DIAPH3: variants seen among roughly 807,000 people sequenced by gnomAD.
The protein encoded by DIAPH3 is protein diaphanous homolog 3.
Under a neutral mutation model 144.3 loss-of-function variants are expected in DIAPH3, and 117 were observed. The ratio of observed to expected loss-of-function variants is 0.81; its 90% CI spans 0.70 to 0.95. The LOEUF is 0.95. Among genes scored for constraint, DIAPH3 ranks in the 40% least tolerant of loss-of-function variants. The pLI is 0.00. For synonymous variants in DIAPH3, 519 were observed against 488.9 expected (o/e 1.06, Z -0.81); for missense variants, 1,421 against 1,412.7 (o/e 1.01, Z -0.09).
intron 2 of DIAPH3, among the ~76,000 whole-genome samples, chr13:60,130,161 A>T (rs1028807338): frequency 3.3e-5 from 5 of 152,216 alleles, no homozygotes; most frequent in South Asian, 2.1e-4. Context: ...TTCCAAATCC[A>T]ACAATGCTCT....
At chr13:59,885,504 T>C (rs1485742824) in intron 20 of DIAPH3, among the ~76,000 whole-genome samples, 1 of 147,018 alleles carries the variant, frequency 6.8e-6, no homozygotes, top group East Asian at 2.0e-4. Context: ...TATAATTCAG[T>C]ACTTTGTTCC....
chr13:60,049,694 A>G (rs2056246954), intron 4 of DIAPH3, among the ~76,000 whole-genome samples: 1 of 152,188 alleles, frequency 6.6e-6, no homozygotes, highest in Admixed American at 6.5e-5. Context: ...TATATTGAAC[A>G]CCTATTGTGT....
intron 27 of DIAPH3, among the ~76,000 whole-genome samples, chr13:59,742,884 C>A (rs199786014): frequency 1.3e-5 from 2 of 152,178 alleles, no homozygotes; most frequent in South Asian, 2.1e-4. Flanking sequence ...TTTTGGGGTA[C>A]GCATTTTCAA....
intron 3 of DIAPH3, among the ~76,000 whole-genome samples, chr13:60,099,136 T>C (rs1414772217): frequency 6.6e-6 from 1 of 152,198 alleles, no homozygotes; most frequent in Non-Finnish European, 1.5e-5. Context: ...TAATATACAT[T>C]ATGAATTATC....
At chr13:59,982,892 T>C (rs995183727) in intron 13 of DIAPH3, among the ~76,000 whole-genome samples, 1 of 151,544 alleles carries the variant, frequency 6.6e-6, no homozygotes, top group Non-Finnish European at 1.5e-5. Flanking sequence ...GATAGGTTAA[T>C]AACACCAGTG....
intron 1 of DIAPH3, among the ~76,000 whole-genome samples, chr13:60,135,534 C>T (rs548100397): frequency 6.6e-6 from 1 of 152,274 alleles, no homozygotes; most frequent in African/African-American, 2.4e-5. Context: ...ATCATTCCTT[C>T]TCTTCCAGAG....
At chr13:60,035,574 A>G (rs1014719599) in intron 5 of DIAPH3, among the ~76,000 whole-genome samples, 1 of 152,232 alleles carries the variant, frequency 6.6e-6, no homozygotes, top group African/African-American at 2.4e-5. Flanking sequence ...CATCAATTTG[A>G]CATGCTTTTA....
chr13:59,862,086 A>G (rs1258488774), intron 21 of DIAPH3, among the ~76,000 whole-genome samples: 4 of 152,218 alleles, frequency 2.6e-5, no homozygotes, highest in Non-Finnish European at 1.5e-5. Flanking sequence ...GTATGGGCTT[A>G]GGGAAAAGAA....
chr13:60,102,247 CAGTT>C (rs1262214837), intron 3 of DIAPH3, among the ~76,000 whole-genome samples: 7 of 152,278 alleles, frequency 4.6e-5, no homozygotes, highest in Non-Finnish European at 8.8e-5. Flanking sequence ...TAAATTCTCT[CAGTT>C]GGTTGAGTAT....
In DIAPH3 at chr13:60,157,418, T is replaced by C. The variant is rs1952085380; in HGVS notation, c.180+6169A>G. 2.0e-5 allele frequency among the ~76,000 whole-genome samples: 3 copies of C among 152,260 alleles called. No homozygotes were observed. In the South Asian group the frequency reaches 6.2e-4, roughly 31 times the overall value. The stretch of plus-strand genomic sequence containing the variant: ...AGCCTTTTTCTTTCAGATGTTGTAT[T>C]TTTCAATGCTAGAATTTCCACTGTG... On this transcript the variant is annotated intron_variant, in intron 1 of 27. Coordinates refer to ENST00000400324, the MANE Select transcript of DIAPH3 (RefSeq NM_001042517.2).
intron 8 of DIAPH3, among the ~76,000 whole-genome samples, chr13:60,009,048 G>A (rs535941131): frequency 6.6e-6 from 1 of 152,294 alleles, no homozygotes; most frequent in Non-Finnish European, 1.5e-5. Flanking sequence ...AAATGGTGGA[G>A]CAAGAATCTG....
At chr13:60,031,681 G>A (rs1243638479) in intron 5 of DIAPH3, among the ~76,000 whole-genome samples, 1 of 151,280 alleles carries the variant, frequency 6.6e-6, no homozygotes, top group Admixed American at 6.6e-5. Context: ...CCAAAACAAA[G>A]GGGCTACAGG....
chr13:60,071,922 A>C (rs2057222898), intron 4 of DIAPH3, among the ~76,000 whole-genome samples: 1 of 151,974 alleles, frequency 6.6e-6, no homozygotes. Context: ...CAAACCTTTC[A>C]ACCACTCACC....
intron 24 of DIAPH3, among the ~76,000 whole-genome samples, chr13:59,824,421 T>A (rs2041255638): frequency 6.6e-6 from 1 of 152,200 alleles, no homozygotes; most frequent in Non-Finnish European, 1.5e-5. Context: ...CAAGATGCTC[T>A]GATGCCAGAA....
chr13:60,067,252 T>C (rs1411453579), intron 4 of DIAPH3, among the ~76,000 whole-genome samples: 1 of 151,530 alleles, frequency 6.6e-6, no homozygotes, highest in South Asian at 2.1e-4. Flanking sequence ...GCCACTGCAC[T>C]CCAGCCTGAG....
chr13:60,055,670 G>A (rs901218457), intron 4 of DIAPH3, among the ~76,000 whole-genome samples: 3 of 151,860 alleles, frequency 2.0e-5, no homozygotes, highest in Non-Finnish European at 4.4e-5. Flanking sequence ...TAGAAAGCAT[G>A]TGTAACTAGA....
chr13:59,848,461 C>T (rs2042789319), intron 22 of DIAPH3, among the ~76,000 whole-genome samples: 1 of 150,746 alleles, frequency 6.6e-6, no homozygotes, highest in Admixed American at 6.6e-5. Flanking sequence ...TGCTATCCCT[C>T]CCCGCTCCCC....
intron 12 of DIAPH3, among the ~76,000 whole-genome samples, chr13:59,986,401 G>A (rs1161130249): frequency 3.1e-4 from 2 of 6,526 alleles, no homozygotes; most frequent in Admixed American, 2.1e-3. Context: ...TACCATTCAG[G>A]ACATAGGCAT....
intron 22 of DIAPH3, among the ~76,000 whole-genome samples, chr13:59,858,438 A>G (rs1353261633): frequency 6.6e-6 from 1 of 152,136 alleles, no homozygotes; most frequent in African/African-American, 2.4e-5. Flanking sequence ...TAAGTTAGTG[A>G]TTGGATGAAT....
Sources: allele counts gnomAD v4.1 joint callset (sites outside exome capture counted in the v4.1 genomes callset), GRCh38; gene constraint gnomAD v4.1.1; transcripts MANE v1.5; gene names NCBI Gene and HGNC (gene_info 2026-07-23, HGNC 2026-07-21).